L3MBTL4: variants seen among roughly 807,000 people sequenced by gnomAD.
The protein encoded by L3MBTL4 is L3MBTL histone methyl-lysine binding protein 4, also known as lethal(3)malignant brain tumor-like protein 4.
In L3MBTL4, 70 loss-of-function variants were observed where a neutral mutation model predicts 84.5. That is an observed-to-expected ratio of 0.83 (90% CI 0.68 to 1.01). The LOEUF (loss-of-function observed/expected upper bound fraction) is 1.01. Ranked by LOEUF, L3MBTL4 falls within the 50% of genes least tolerant of loss-of-function variation. L3MBTL4 has a pLI of 0.00. For synonymous variants in L3MBTL4, 274 were observed against 259.8 expected (o/e 1.05, Z -0.52); for missense variants, 715 against 754.8 (o/e 0.95, Z 0.62).
At chr18:6,402,204 C>A (rs2055541610) in intron 1 of L3MBTL4, among the ~76,000 whole-genome samples, 2 of 152,160 alleles carry the variant, frequency 1.3e-5, no homozygotes, top group Admixed American at 6.5e-5. Flanking sequence ...GAGCTATATA[C>A]ATTTATTCCA....
At chr18:5,962,376 C>A (rs2095267888) in intron 17 of L3MBTL4, among the ~76,000 whole-genome samples, 1 of 152,110 alleles carries the variant, frequency 6.6e-6, no homozygotes, top group Admixed American at 6.5e-5. Flanking sequence ...CAAAGCAGGA[C>A]AACACAGGGC....
chr18:6,249,007 T>C (rs1443733358), intron 5 of L3MBTL4, among the ~76,000 whole-genome samples: 1 of 152,232 alleles, frequency 6.6e-6, no homozygotes, highest in Non-Finnish European at 1.5e-5. Context: ...CAAGAATGAA[T>C]GATTTCTCAG....
intron 4 of L3MBTL4, among the ~76,000 whole-genome samples, chr18:6,279,778 T>C (rs888708262): frequency 5.3e-5 from 8 of 152,328 alleles, no homozygotes; most frequent in Admixed American, 6.5e-5. Flanking sequence ...CAACCACCTA[T>C]ATGAGATGGC....
At chr18:6,395,990 A>C (rs1277432086) in intron 1 of L3MBTL4, 1 of 152,208 alleles carries the variant, frequency 6.6e-6, no homozygotes, top group Non-Finnish European at 1.5e-5. Context: ...CAGGGTTAAA[A>C]AAAATCTAAT....
At chr18:6,071,847 A>AGAGG (rs893323470) in intron 16 of L3MBTL4, among the ~76,000 whole-genome samples, 1 of 150,512 alleles carries the variant, frequency 6.6e-6, no homozygotes, top group East Asian at 1.9e-4. Context: ...AGAAAGAGAG[A>AGAGG]GAGGGAGGGA....
chr18:6,083,207 A>G (rs1475542406), intron 15 of L3MBTL4, among the ~76,000 whole-genome samples: 1 of 152,196 alleles, frequency 6.6e-6, no homozygotes, highest in African/African-American at 2.4e-5. Flanking sequence ...GCACGGATAA[A>G]GGGAAGTCAC....
chr18:6,296,508 A>G (rs2050114643), intron 4 of L3MBTL4, among the ~76,000 whole-genome samples: 1 of 152,242 alleles, frequency 6.6e-6, no homozygotes, highest in Non-Finnish European at 1.5e-5. Context: ...AAAATACAAA[A>G]TAAGAAAAGT....
chr18:6,244,655 G>A (rs923826984), intron 5 of L3MBTL4, 67 bp from the exon 6 acceptor site: 1 of 1,085,616 alleles, frequency 9.2e-7, no homozygotes, highest in African/African-American at 1.6e-5. Flanking sequence ...AAGATATTTG[G>A]TGTCACCTCT....
intron 10 of L3MBTL4, among the ~76,000 whole-genome samples, chr18:6,227,782 C>T (rs149764695): frequency 6.6e-6 from 1 of 152,268 alleles, no homozygotes; most frequent in East Asian, 1.9e-4. Flanking sequence ...AGCGATCCTC[C>T]CACCTCAGTT....
intron 1 of L3MBTL4, among the ~76,000 whole-genome samples, chr18:6,389,382 C>T (rs757638805): frequency 3.2e-4 from 49 of 152,198 alleles, no homozygotes; most frequent in South Asian, 6.2e-4. Context: ...AAAACAACAA[C>T]ACAACAAAGA....
intron 12 of L3MBTL4, among the ~76,000 whole-genome samples, chr18:6,189,211 T>C (rs1045021385): frequency 1.6e-4 from 24 of 152,346 alleles, no homozygotes; most frequent in African/African-American, 5.3e-4. Context: ...CCTTTTCCTC[T>C]TTTGTCTCTT....
At chr18:5,956,624 A>G (rs1378000593) in intron 18 of L3MBTL4, among the ~76,000 whole-genome samples, 1 of 152,232 alleles carries the variant, frequency 6.6e-6, no homozygotes, top group Non-Finnish European at 1.5e-5. Flanking sequence ...GCTGTTAAAT[A>G]CGAATTCAAT....
intron 16 of L3MBTL4, among the ~76,000 whole-genome samples, chr18:5,999,261 T>C (rs2054114540): frequency 6.6e-6 from 1 of 152,368 alleles, no homozygotes; most frequent in South Asian, 2.1e-4. Context: ...CCACTATTTA[T>C]GGCCTAGTTC....
intron 16 of L3MBTL4, among the ~76,000 whole-genome samples, chr18:5,983,520 TA>T (rs1314548980): frequency 6.6e-6 from 1 of 151,818 alleles, no homozygotes; most frequent in African/African-American, 2.4e-5. Flanking sequence ...AAAACAGTGT[TA>T]GGGAATAGAA....
chr18:6,286,267 C>T (rs1184554475), intron 4 of L3MBTL4, among the ~76,000 whole-genome samples: 1 of 151,810 alleles, frequency 6.6e-6, no homozygotes, highest in African/African-American at 2.4e-5. Context: ...AGTTTGAGAT[C>T]AGCACTGCCA....
At chr18:6,233,773 A>G (rs978950393) in intron 10 of L3MBTL4, among the ~76,000 whole-genome samples, 11 of 152,170 alleles carry the variant, frequency 7.2e-5, no homozygotes, top group Non-Finnish European at 1.3e-4. Flanking sequence ...TGCCATCCCC[A>G]TCAAGCTACC....
At chr18:6,109,400 G>A (rs566889909) in intron 14 of L3MBTL4, among the ~76,000 whole-genome samples, 8 of 152,074 alleles carry the variant, frequency 5.3e-5, no homozygotes, top group South Asian at 2.1e-4. Context: ...TGCATTTCTC[G>A]TTTCTAGGAT....
At chr18:6,306,396 C>CA (rs1568465773) in intron 3 of L3MBTL4, among the ~76,000 whole-genome samples, 1 of 151,946 alleles carries the variant, frequency 6.6e-6, no homozygotes, top group African/African-American at 2.4e-5. Flanking sequence ...AAGACACATA[C>CA]AAAAAACAAA....
At chr18:6,085,356 T>C (rs1481588095) in intron 15 of L3MBTL4, among the ~76,000 whole-genome samples, 1 of 152,220 alleles carries the variant, frequency 6.6e-6, no homozygotes, top group Non-Finnish European at 1.5e-5. Flanking sequence ...CCATGACATA[T>C]TGTTAAATGA....
Sources: gnomAD v4.1 joint callset for allele counts (sites outside exome capture counted in the v4.1 genomes callset) on GRCh38, gnomAD v4.1.1 for gene constraint, MANE v1.5 for transcripts, NCBI Gene and HGNC (gene_info 2026-07-23, HGNC 2026-07-21) for gene names.